Variants in LRRC27 observed in about 807,000 individuals in gnomAD.
LRRC27 encodes the protein leucine rich repeat containing 27.
Under a neutral mutation model 55.0 loss-of-function variants are expected in LRRC27, and 57 were observed. The observed-to-expected ratio is 1.04, with a 90% CI of 0.84 to 1.29. The LOEUF (loss-of-function observed/expected upper bound fraction) is 1.29. Among genes scored for constraint, LRRC27 ranks in the 50% most tolerant of loss-of-function variants. The pLI is 0.00. For synonymous variants in LRRC27, 278 were observed against 251.9 expected (o/e 1.10, Z -0.98); for missense variants, 721 against 651.5 (o/e 1.11, Z -1.16).
intron 7 of LRRC27, among the ~76,000 whole-genome samples, chr10:132,352,148 G>A (rs1447407761): frequency 1.2e-5 from 1 of 82,208 alleles, no homozygotes. Flanking sequence ...TGTGGGGCAG[G>A]CGCTGAGGCC....
intron 7 of LRRC27, chr10:132,353,445 G>A (rs2068163361): frequency 1.0e-6 from 1 of 1,001,770 alleles, no homozygotes; most frequent in African/African-American, 1.7e-5. Flanking sequence ...GATAGGGGCT[G>A]TGTCCAGCAC....
Position 132,375,169 on chromosome 10 carries a change from C to G in LRRC27, c.1520C>G (p.Pro507Arg). ...ALTGNLSLGL[P>R]AAQPQNTFFN... ...ACTGGAAACCTTTCGCTTGGCCTGC[C>G]GGCAGCACAGCCTCAAAATACATTT... The change falls in exon 11 of 11, where the codon CCG becomes CGG. Residue 507 changes from proline (P) to arginine (R), a missense_variant. By Grantham distance (103) the Pro-to-Arg change is moderately radical (BLOSUM62 -2). Transcript: ENST00000368614. The G allele has an allele frequency of 6.2e-7, 1 of 1,614,080 alleles. No homozygotes were observed. Among genetic ancestry groups the G allele is most frequent in the Non-Finnish European group, 8.5e-7 (1 of 1,179,988 alleles).
chr10:132,347,860 C>T (rs1254739555), intron 5 of LRRC27, 124 bp from the exon 6 acceptor site: 88 of 1,195,876 alleles, frequency 7.4e-5, no homozygotes, highest in Non-Finnish European at 9.4e-5. Context: ...TGACAGGGAA[C>T]GTGGCAGCCA....
In LRRC27 at chr10:132,380,589, G is replaced by GA. The variant is rs2069398585; in HGVS notation, c.*5347_*5348insA. 6.6e-6 allele frequency among the ~76,000 whole-genome samples: 1 copy of GA among 152,166 alleles called. No homozygotes were observed. The highest frequency in any genetic ancestry group is 2.1e-4 in the South Asian group (1 of 4,830). On this transcript the variant is annotated 3_prime_UTR_variant, in exon 11 of 11. Coordinates refer to ENST00000368614, the MANE Select transcript of LRRC27 (RefSeq NM_030626.3). Reference sequence around the variant, plus strand: ...CAGGAGGATCCCTTGAGCCCAGGAGGTCGAGGCTGCAGTGAGCTGTGATTG... The same window carrying GA: ...CAGGAGGATCCCTTGAGCCCAGGAGGATCGAGGCTGCAGTGAGCTGTGATTG...
chr10:132,336,856 T>C (rs369957856), intron 2 of LRRC27: 8 of 734,446 alleles, frequency 1.1e-5, no homozygotes, highest in African/African-American at 1.8e-5. Flanking sequence ...GCAGCATTAA[T>C]GACAGTATTG....
intron 10 of LRRC27, among the ~76,000 whole-genome samples, chr10:132,370,482 C>T (rs1182701651): frequency 6.6e-6 from 1 of 152,184 alleles, no homozygotes; most frequent in Non-Finnish European, 1.5e-5. Flanking sequence ...TTAAAACTCC[C>T]AAGAATGAGC....
chr10:132,338,710 C>CTTTTTTTT (rs928264937), intron 3 of LRRC27, among the ~76,000 whole-genome samples: 2 of 140,010 alleles, frequency 1.4e-5, no homozygotes, highest in Non-Finnish European at 3.1e-5. Context: ...TTCTTTCTTT[C>CTTTTTTTT]TTTTTTTTTT....
At chr10:132,331,705 G>A (rs373957033), upstream of LRRC27, 1 of 1,612,708 alleles carries the variant, frequency 6.2e-7, no homozygotes. Flanking sequence ...GCCCGCCCCG[G>A]GCCCTCCGGC....
At chr10:132,357,932 C>T (rs543160353) in intron 8 of LRRC27, among the ~76,000 whole-genome samples, 8 of 152,126 alleles carry the variant, frequency 5.3e-5, no homozygotes, top group Non-Finnish European at 7.4e-5. Context: ...TGCTGTTCTG[C>T]GCACCCCACA....
chr10:132,370,479 T>C (rs2069187292), intron 10 of LRRC27, among the ~76,000 whole-genome samples: 2 of 152,160 alleles, frequency 1.3e-5, no homozygotes, highest in Non-Finnish European at 2.9e-5. Context: ...GTTTTAAAAC[T>C]CCCAAGAATG....
At chr10:132,331,200 CA>C (rs35734065), upstream of LRRC27, among the ~76,000 whole-genome samples, 13,761 of 56,070 alleles carry the variant, frequency 0.25, 842 homozygotes, top group East Asian at 0.42. Flanking sequence ...GACTCCACCT[CA>C]AAAAAAAAAA....
intron 7 of LRRC27, among the ~76,000 whole-genome samples, chr10:132,354,970 A>G (rs1459488923): frequency 1.3e-5 from 2 of 152,286 alleles, no homozygotes; most frequent in East Asian, 3.9e-4. Context: ...CCAGCCGCAG[A>G]TGTGGGCGTT....
chr10:132,355,676 A>C lies in LRRC27; in HGVS notation c.1074-114A>C. The C allele has an allele frequency of 6.6e-6, 5 of 757,678 alleles. No individual in the cohort carries two copies. In the South Asian group the frequency reaches 7.9e-5, roughly 12 times the overall value. The allele number at this position is 757,678 out of a possible 1,614,324, so 46.9% of individuals were successfully genotyped here. Reference sequence around the variant, plus strand: ...CCACCCGGAGGGCATGCACGCCCCCAGCCTGTGCCCCCTGGAGACAGGTGC... The same window carrying C: ...CCACCCGGAGGGCATGCACGCCCCCCGCCTGTGCCCCCTGGAGACAGGTGC... On this transcript the variant is annotated intron_variant, in intron 7 of 10. Coordinates refer to ENST00000368614, the MANE Select transcript of LRRC27 (RefSeq NM_030626.3).
intron 10 of LRRC27, chr10:132,367,110 C>T (rs1030539773): frequency 1.7e-5 from 10 of 596,230 alleles, no homozygotes; most frequent in South Asian, 5.8e-5. Context: ...ACACAAAAGT[C>T]GATTTGGTAT....
rs2068760883 is a variant in LRRC27, at chr10:132,363,734, CGTA to C, written c.1290-1689_1290-1687del. Among the ~76,000 whole-genome samples, 3 of 152,166 alleles carry C rather than the reference CGTA, an allele frequency of 2.0e-5. No individual in the cohort carries two copies. The South Asian group carries it at 6.2e-4, about 32-fold the overall frequency. On this transcript the variant is annotated intron_variant, in intron 9 of 10. Coordinates refer to ENST00000368614, the MANE Select transcript of LRRC27 (RefSeq NM_030626.3). ...GCCTGGCCCCGGCCCTGCTGCTCAGCGTACGTCTGCCAGGGGGCTCCCCACTCA... is the reference window on the plus strand; with the variant it reads ...GCCTGGCCCCGGCCCTGCTGCTCAGCCGTCTGCCAGGGGGCTCCCCACTCA...
intron 9 of LRRC27, 27 bp downstream of exon 9, chr10:132,361,602 C>A (rs2068617420): frequency 6.6e-7 from 1 of 1,525,964 alleles, no homozygotes; most frequent in South Asian, 1.1e-5. Context: ...GGCACTCAGT[C>A]CTTCCAGGGC....
At chr10:132,361,339 C>G in intron 8 of LRRC27, 118 bp from the exon 9 acceptor site, 1 of 814,434 alleles carries the variant, frequency 1.2e-6, no homozygotes, top group East Asian at 2.5e-5. Context: ...CTACCCGGGG[C>G]GGCCTCGGAC....
chr10:132,366,936 G>C, intron 10 of LRRC27: 2 of 1,285,208 alleles, frequency 1.6e-6, no homozygotes, highest in South Asian at 2.5e-5. Flanking sequence ...CCACTTCTGA[G>C]ACTCTTTTCC....
chr10:132,344,744 C>A, intron 5 of LRRC27, 94 bp downstream of exon 5: 1 of 1,399,714 alleles, frequency 7.1e-7, no homozygotes. Flanking sequence ...TAATAACATC[C>A]TGAGAAATAC....
Sources: gnomAD v4.1 joint callset for allele counts (sites outside exome capture counted in the v4.1 genomes callset) on GRCh38, gnomAD v4.1.1 for gene constraint, MANE v1.5 for transcripts, NCBI Gene and HGNC (gene_info 2026-07-23, HGNC 2026-07-21) for gene names.